The following CFAP54 variants were observed in gnomAD, a reference collection of about 807,000 sequenced individuals.
CFAP54 encodes the protein cilia and flagella associated protein 54, also known as cilia- and flagella-associated protein 54.
A neutral mutation model predicts 370.4 loss-of-function variants in CFAP54; 290 were observed. The observed-to-expected ratio is 0.78, with a 90% CI of 0.71 to 0.86. The LOEUF (loss-of-function observed/expected upper bound fraction) is 0.86, where lower values mean the gene tolerates loss of function less well. Ranked by LOEUF, CFAP54 falls within the 40% of genes least tolerant of loss-of-function variation. The pLI, the probability that CFAP54 is intolerant of heterozygous loss-of-function variation, is 0.00. For synonymous variants in CFAP54, 1,206 were observed against 1,236.5 expected (o/e 0.98, Z 0.52); for missense variants, 3,399 against 3,528.7 (o/e 0.96, Z 0.93).
intron 14 of CFAP54, among the ~76,000 whole-genome samples, chr12:96,543,641 G>T (rs1955603029): frequency 6.6e-6 from 1 of 152,076 alleles, no homozygotes. Flanking sequence ...TGAGGCTTTG[G>T]ATGATGTTTT....
At chr12:96,787,702 T>G (rs1001456838) in intron 62 of CFAP54, among the ~76,000 whole-genome samples, 1 of 152,202 alleles carries the variant, frequency 6.6e-6, no homozygotes, top group African/African-American at 2.4e-5. Context: ...TAAAGCGTAG[T>G]CCCTGTACAT....
In CFAP54 at chr12:96,756,555, A is replaced by G. The variant is rs372844448; in HGVS notation, c.7938A>G (p.Gln2646=). ...TACAACTAAGCCTGAAAAATGATCAAAACTCAGGGTAAAAAGATATTCCAT... is the reference window on the plus strand; with the variant it reads ...TACAACTAAGCCTGAAAAATGATCAGAACTCAGGGTAAAAAGATATTCCAT... The part of the protein sequence containing the change: ...EAIQLSLKND[Q]NSGLIRDSYL... Residue 2646 remains glutamine (Q), a synonymous_variant, in exon 57 of 68, where the codon CAA becomes CAG. Coordinates refer to ENST00000524981, the MANE Select transcript of CFAP54 (RefSeq NM_001306084.2). 2.7e-5 allele frequency: 43 copies of G among 1,586,518 alleles called. No individual in the cohort carries two copies. The highest frequency in any genetic ancestry group is 3.5e-5 in the Non-Finnish European group (41 of 1,159,274).
chr12:96,535,421 C>CT, intron 11 of CFAP54, 94 bp from the exon 12 acceptor site: 1 of 674,958 alleles, frequency 1.5e-6, no homozygotes, highest in Non-Finnish European at 2.5e-6. Context: ...TCATTTGTGT[C>CT]ATTTTTTTAG....
chr12:96,722,844 T>G (rs1435611949), intron 50 of CFAP54, among the ~76,000 whole-genome samples: 1 of 152,130 alleles, frequency 6.6e-6, no homozygotes, highest in Non-Finnish European at 1.5e-5. Context: ...AGATATTGGA[T>G]GTAAGTTGTG....
chr12:96,527,683 C>T (rs1011172537), intron 9 of CFAP54, among the ~76,000 whole-genome samples: 1 of 151,974 alleles, frequency 6.6e-6, no homozygotes, highest in South Asian at 2.1e-4. Context: ...ATCCTCCCTT[C>T]TTAGCCTCCC....
chr12:96,667,792 T>G (rs1957098814), intron 39 of CFAP54, among the ~76,000 whole-genome samples: 1 of 152,184 alleles, frequency 6.6e-6, no homozygotes. Flanking sequence ...TGCTTGAATT[T>G]CTCCTCAGAA....
At chr12:96,857,229 A>G (rs1959729201) in intron 66 of CFAP54, among the ~76,000 whole-genome samples, 1 of 152,206 alleles carries the variant, frequency 6.6e-6, no homozygotes. Flanking sequence ...GAGTGGGGAC[A>G]CAGCCAAACC....
intron 32 of CFAP54, among the ~76,000 whole-genome samples, chr12:96,637,923 A>G (rs140177035): frequency 6.6e-6 from 1 of 152,268 alleles, no homozygotes; most frequent in East Asian, 1.9e-4. Context: ...AGTATTTATT[A>G]CCCTAATCTG....
At chr12:96,612,213 AAG>A (rs1253271478) in intron 26 of CFAP54, among the ~76,000 whole-genome samples, 1 of 152,242 alleles carries the variant, frequency 6.6e-6, no homozygotes, top group Non-Finnish European at 1.5e-5. Context: ...TACAAGCCAG[AAG>A]AGAGTGGGGG....
At chr12:96,586,392 T>C (rs1320451959) in intron 22 of CFAP54, among the ~76,000 whole-genome samples, 1 of 152,004 alleles carries the variant, frequency 6.6e-6, no homozygotes, top group Non-Finnish European at 1.5e-5. Context: ...CAGAAGATAA[T>C]GAATGCTATG....
At chr12:96,573,142 G>A in intron 19 of CFAP54, 1 of 706,998 alleles carries the variant, frequency 1.4e-6, no homozygotes, top group Non-Finnish European at 1.7e-6. Context: ...GGAAGGATAT[G>A]TCTCCAAATT....
intron 22 of CFAP54, among the ~76,000 whole-genome samples, chr12:96,585,676 A>G (rs1956070850): frequency 6.6e-6 from 1 of 152,172 alleles, no homozygotes; most frequent in Non-Finnish European, 1.5e-5. Context: ...ACATCTGGGC[A>G]GGATGATAAG....
intron 67 of CFAP54, among the ~76,000 whole-genome samples, chr12:96,870,408 T>C (rs1244742881): frequency 1.3e-5 from 2 of 152,222 alleles, no homozygotes; most frequent in African/African-American, 2.4e-5. Flanking sequence ...CGTAGCATCA[T>C]GGATGAGGGA....
intron 39 of CFAP54, among the ~76,000 whole-genome samples, chr12:96,668,434 G>A (rs764181779): frequency 1.3e-5 from 2 of 152,218 alleles, no homozygotes; most frequent in South Asian, 2.1e-4. Flanking sequence ...AGAAGGAGGA[G>A]CAAAGGCACA....
At position 96,814,125 on chromosome 12, in the gene CFAP54, C is replaced by T. The variant is rs556019276; in HGVS notation, c.8957+2283C>T. Among the ~76,000 whole-genome samples the T allele has an allele frequency of 2.0e-4, 31 of 152,266 alleles. 1 individual carries two copies. In the South Asian group the frequency reaches 5.8e-3, roughly 28 times the overall value. ...CAGTGAAGTTCTGGACACTCATGTACAATCTGAAACCCAAATGTCAAAGAA... is the reference window on the plus strand; with the variant it reads ...CAGTGAAGTTCTGGACACTCATGTATAATCTGAAACCCAAATGTCAAAGAA... On this transcript the variant is annotated intron_variant, in intron 64 of 67. Transcript: ENST00000524981.
chr12:96,703,400 C>G (rs146123202), intron 46 of CFAP54, among the ~76,000 whole-genome samples: 1 of 152,238 alleles, frequency 6.6e-6, no homozygotes, highest in East Asian at 1.9e-4. Flanking sequence ...AGGCAAAGAG[C>G]TACAGGTACT....
intron 6 of CFAP54, among the ~76,000 whole-genome samples, chr12:96,521,603 T>C (rs1283900694): frequency 6.6e-6 from 1 of 152,078 alleles, no homozygotes; most frequent in Non-Finnish European, 1.5e-5. Context: ...ATAATCTGTA[T>C]GGAGCTACTG....
At chr12:96,771,715 T>G (rs2136679486) in intron 60 of CFAP54, among the ~76,000 whole-genome samples, 1 of 152,294 alleles carries the variant, frequency 6.6e-6, no homozygotes, top group Admixed American at 6.5e-5. Flanking sequence ...TGTAAGGTTG[T>G]AATTCACACC....
intron 26 of CFAP54, among the ~76,000 whole-genome samples, chr12:96,600,922 T>A (rs1956233876): frequency 6.6e-6 from 1 of 152,170 alleles, no homozygotes; most frequent in Admixed American, 6.5e-5. Flanking sequence ...CAATTTGACT[T>A]CCTCTTTTCC....
Sources: gnomAD v4.1 joint callset for allele counts (sites outside exome capture counted in the v4.1 genomes callset) on GRCh38, gnomAD v4.1.1 for gene constraint, MANE v1.5 for transcripts, NCBI Gene and HGNC (gene_info 2026-07-23, HGNC 2026-07-21) for gene names.